The following PBLD variants were observed in gnomAD, a reference collection of about 807,000 sequenced individuals.
PBLD encodes the protein phenazine biosynthesis like protein domain containing, also known as phenazine biosynthesis-like domain-containing protein.
PBLD carries 26 observed loss-of-function variants against 31.3 expected under a neutral mutation model. That is an observed-to-expected ratio of 0.83 (90% CI 0.61 to 1.15). The LOEUF (loss-of-function observed/expected upper bound fraction) is 1.15. PBLD is among the 50% of genes most tolerant of loss of function. The probability of loss-of-function intolerance (pLI) is 0.00; values close to 1 mark genes in which losing one functional copy is unlikely to be tolerated. For missense variants in PBLD, 307 were observed against 351.7 expected (o/e 0.87, Z 1.02); for synonymous variants, 114 against 129.0 (o/e 0.88, Z 0.79).
chr10:68,287,831 G>C (rs2044307826), intron 8 of PBLD: 1 of 152,284 alleles, frequency 6.6e-6, no homozygotes, highest in African/African-American at 2.4e-5. Flanking sequence ...AGGCCGAGGA[G>C]GGATCATTTG....
At chr10:68,332,474 C>T (rs548925723) in intron 1 of PBLD, among the ~76,000 whole-genome samples, 1 of 152,366 alleles carries the variant, frequency 6.6e-6, no homozygotes, top group South Asian at 2.1e-4. Context: ...CAGCATTTTC[C>T]CCTTTCCCTG....
intron 1 of PBLD, among the ~76,000 whole-genome samples, chr10:68,308,291 T>C (rs1448743435): frequency 6.6e-6 from 1 of 152,226 alleles, no homozygotes; most frequent in African/African-American, 2.4e-5. Context: ...TTTAAGTTGT[T>C]TCTAATTTTT....
intron 4 of PBLD, among the ~76,000 whole-genome samples, chr10:68,295,310 T>C (rs2044410183): frequency 6.6e-6 from 1 of 151,530 alleles, no homozygotes; most frequent in South Asian, 2.1e-4. Flanking sequence ...CTGGGCAACA[T>C]AGCAAAACCC....
chr10:68,328,749 A>T (rs1589679443), intron 1 of PBLD, among the ~76,000 whole-genome samples: 1 of 152,144 alleles, frequency 6.6e-6, no homozygotes, highest in Non-Finnish European at 1.5e-5. Flanking sequence ...AGCCAGTCTC[A>T]CCAAGCCTTA....
chr10:68,305,270 C>CTT (rs71009039), intron 2 of PBLD, among the ~76,000 whole-genome samples: 1,891 of 135,948 alleles, frequency 0.014, 31 homozygotes, highest in African/African-American at 0.032. Flanking sequence ...ATCAGTCCTC[C>CTT]TTTTTTTTTT....
At chr10:68,304,149 T>A (rs72795494) in intron 2 of PBLD, among the ~76,000 whole-genome samples, 8,502 of 152,298 alleles carry the variant, frequency 0.056, 305 homozygotes, top group Non-Finnish European at 0.081. Flanking sequence ...CTCCACCATC[T>A]CAGGACAATG....
intron 1 of PBLD, among the ~76,000 whole-genome samples, chr10:68,316,331 A>G (rs1454906392): frequency 6.6e-6 from 1 of 152,174 alleles, no homozygotes; most frequent in African/African-American, 2.4e-5. Flanking sequence ...GTAGAGATTG[A>G]AAAGTATAAC....
intron 1 of PBLD, among the ~76,000 whole-genome samples, chr10:68,326,484 T>C (rs920488033): frequency 9.2e-5 from 14 of 152,228 alleles, no homozygotes; most frequent in African/African-American, 3.4e-4. Flanking sequence ...GGAAATATTA[T>C]TTATTCTGCC....
chr10:68,306,803 T>C lies in PBLD; in HGVS notation c.42A>G (p.Arg14=), dbSNP rs1564732363. The C allele has an allele frequency of 5.0e-6, 8 of 1,612,498 alleles. No individual in the cohort carries two copies. The highest frequency in any genetic ancestry group is 6.8e-6 in the Non-Finnish European group (8 of 1,178,882). ...CAGCAGCAGGATTCCCACGAAATGC[T>C]CTTGCTGTGAATGCATCTGCTATGA... ...PIFIADAFTA[R]AFRGNPAAVC... Residue 14 remains arginine, a synonymous_variant, in exon 2 of 10, where the codon AGA becomes AGG. Transcript: ENST00000358769.
At chr10:68,330,145 C>T (rs1022366879) in intron 1 of PBLD, among the ~76,000 whole-genome samples, 2 of 152,070 alleles carry the variant, frequency 1.3e-5, no homozygotes, top group African/African-American at 4.8e-5. Flanking sequence ...TCCTTTCTTC[C>T]TTCCACTGAG....
chr10:68,302,096 A>G (rs1317258699), intron 2 of PBLD, among the ~76,000 whole-genome samples: 2 of 152,254 alleles, frequency 1.3e-5, no homozygotes, highest in East Asian at 3.8e-4. Flanking sequence ...GAGAGGATGC[A>G]TTTGTTCAAA....
chr10:68,327,086 G>A (rs918819492), intron 1 of PBLD, among the ~76,000 whole-genome samples: 3 of 152,038 alleles, frequency 2.0e-5, no homozygotes, highest in Non-Finnish European at 2.9e-5. Context: ...CTGGGGTTCA[G>A]AAAAGTTAAC....
intron 1 of PBLD, among the ~76,000 whole-genome samples, chr10:68,327,200 C>T (rs1030887515): frequency 1.7e-4 from 26 of 152,212 alleles, no homozygotes; most frequent in African/African-American, 6.3e-4. Flanking sequence ...AACTTTGAAA[C>T]ACTACTTTAT....
At chr10:68,291,174 C>T (rs1420461949) in intron 6 of PBLD, among the ~76,000 whole-genome samples, 1 of 152,186 alleles carries the variant, frequency 6.6e-6, no homozygotes, top group Non-Finnish European at 1.5e-5. Flanking sequence ...CTCTACACAC[C>T]AAGCCCCTGG....
chr10:68,296,851 A>G, intron 3 of PBLD, 35 bp downstream of exon 3: 1 of 1,522,616 alleles, frequency 6.6e-7, no homozygotes, highest in Non-Finnish European at 9.1e-7. Context: ...CCCGTGCGAC[A>G]GAACAGTTCT....
Sources: allele counts gnomAD v4.1 joint callset (sites outside exome capture counted in the v4.1 genomes callset), GRCh38; gene constraint gnomAD v4.1.1; transcripts MANE v1.5; gene names NCBI Gene and HGNC (gene_info 2026-07-23, HGNC 2026-07-21).